The following EPB41L1 variants were observed in gnomAD, a reference collection of about 807,000 sequenced individuals.
EPB41L1 encodes band 4.1-like protein 1.
Under a neutral mutation model 97.8 loss-of-function variants are expected in EPB41L1, and 29 were observed. That is an observed-to-expected ratio of 0.30 (90% CI 0.22 to 0.40). EPB41L1 has a LOEUF of 0.40. Among genes scored for constraint, EPB41L1 ranks in the 10% least tolerant of loss-of-function variants. The probability of loss-of-function intolerance (pLI) is 1.00; values close to 1 mark genes in which losing one functional copy is unlikely to be tolerated. For synonymous variants in EPB41L1, 383 were observed against 459.2 expected (o/e 0.83, Z 2.12); for missense variants, 812 against 1,162.3 (o/e 0.70, Z 4.38).
At chr20:36,229,214 A>G (rs2064368466) in intron 21 of EPB41L1, 118 bp from the exon 22 acceptor site, 1 of 875,378 alleles carries the variant, frequency 1.1e-6, no homozygotes, top group Non-Finnish European at 1.9e-6. Context: ...GGTAGCAAAA[A>G]CAACCTCTTG....
intron 7 of EPB41L1, 55 bp from the exon 8 acceptor site, chr20:36,187,621 A>G: frequency 1.4e-6 from 2 of 1,455,080 alleles, no homozygotes; most frequent in Admixed American, 1.7e-5. Context: ...TTTGGACAGC[A>G]GGACTAAACC....
At chr20:36,134,348 T>C (rs1490681941) in intron 2 of EPB41L1, among the ~76,000 whole-genome samples, 2 of 152,202 alleles carry the variant, frequency 1.3e-5, no homozygotes, top group Admixed American at 6.5e-5. Context: ...CGCTGTGAAC[T>C]TAAGCAGATC....
At chr20:36,157,924 G>T (rs2060376967) in intron 1 of EPB41L1, among the ~76,000 whole-genome samples, 1 of 152,206 alleles carries the variant, frequency 6.6e-6, no homozygotes, top group African/African-American at 2.4e-5. Context: ...TGCTTCCTTT[G>T]TGGGCTAGAG....
chr20:36,100,387 C>A (rs1247726481), intron 1 of EPB41L1, among the ~76,000 whole-genome samples: 10 of 152,180 alleles, frequency 6.6e-5, no homozygotes, highest in African/African-American at 2.4e-4. Context: ...AGGCCCACTT[C>A]AGGTGGGTGG....
intron 4 of EPB41L1, among the ~76,000 whole-genome samples, chr20:36,178,423 C>T (rs1024693288): frequency 2.6e-5 from 4 of 152,184 alleles, no homozygotes; most frequent in Non-Finnish European, 5.9e-5. Flanking sequence ...GTGGCAGCTC[C>T]GGGCACTGGG....
chr20:36,195,939 A>T lies in EPB41L1; in HGVS notation c.1485+575A>T, dbSNP rs927616633. Reference sequence around the variant, plus strand: ...CTCCAGTCCTACACCTCCCCCAGGCAGGGTCGACTACTGCTCCGCTATGGC... The same window carrying T: ...CTCCAGTCCTACACCTCCCCCAGGCTGGGTCGACTACTGCTCCGCTATGGC... On this transcript the variant is annotated intron_variant, in intron 13 of 21. Coordinates refer to ENST00000338074, the MANE Select transcript of EPB41L1 (RefSeq NM_012156.2). The surrounding 1 kb of genome is among the most constrained non-coding windows in gnomAD (Gnocchi z 4.6). 7.2e-5 allele frequency among the ~76,000 whole-genome samples: 11 copies of T among 152,184 alleles called. No homozygotes were observed. Among genetic ancestry groups the T allele is most frequent in the Admixed American group, 2.0e-4 (3 of 15,274 alleles).
At chr20:36,173,654 CTT>C (rs994738486) in intron 1 of EPB41L1, 108 bp from the exon 2 acceptor site, 9 of 979,756 alleles carry the variant, frequency 9.2e-6, no homozygotes, top group Middle Eastern at 2.1e-4. Flanking sequence ...CCCTGTGACT[CTT>C]TGTCCGTTTG....
chr20:36,093,517 G>A lies in EPB41L1; in HGVS notation c.-65+1905G>A, dbSNP rs1296746517. 1.3e-5 allele frequency among the ~76,000 whole-genome samples: 2 copies of A among 152,068 alleles called. No individual in the cohort carries two copies. Among genetic ancestry groups the A allele is most frequent in the Non-Finnish European group, 2.9e-5 (2 of 67,974 alleles). ...GAGCTGGGCACCTGGCCTGGGCGGT[G>A]GGTGGCGGCGGCGGGGGTGTCCCTT... On this transcript the variant is annotated intron_variant, in intron 1 of 19. Transcript: ENST00000202028. The surrounding 1 kb of genome is among the most constrained non-coding windows in gnomAD (Gnocchi z 5.4).
intron 1 of EPB41L1, among the ~76,000 whole-genome samples, chr20:36,111,515 G>A (rs1448053551): frequency 6.6e-6 from 1 of 152,234 alleles, no homozygotes; most frequent in African/African-American, 2.4e-5. Context: ...GCCGGGCATG[G>A]TGGCTCATGC....
chr20:36,144,174 G>T, intron 2 of EPB41L1, among the ~76,000 whole-genome samples: 1 of 152,100 alleles, frequency 6.6e-6, no homozygotes, highest in South Asian at 2.1e-4. Context: ...TTAGAACTGC[G>T]CTAGTCCAAC....
At chr20:36,204,378 A>G (rs1305311431) in intron 14 of EPB41L1, among the ~76,000 whole-genome samples, 1 of 151,466 alleles carries the variant, frequency 6.6e-6, no homozygotes, top group Non-Finnish European at 1.5e-5. Flanking sequence ...TAACCACCCT[A>G]GAAGTCCATC....
In EPB41L1 at chr20:36,187,774, C is replaced by T. The variant is rs1038416983; in HGVS notation, c.873+11C>T. On this transcript the variant is annotated intron_variant, in intron 8 of 21. Coordinates refer to ENST00000338074, the MANE Select transcript of EPB41L1 (RefSeq NM_012156.2). ...CTGCACCATGCCAAGGTACCACCAGCTTCCTGGGTTCCCCTAGTGTCTGGG... is the reference window on the plus strand; with the variant it reads ...CTGCACCATGCCAAGGTACCACCAGTTTCCTGGGTTCCCCTAGTGTCTGGG... The T allele has an allele frequency of 1.9e-6, 3 of 1,612,320 alleles. No homozygotes were observed. The Admixed American group carries it at 5.0e-5, about 27-fold the overall frequency.
intron 1 of EPB41L1, among the ~76,000 whole-genome samples, chr20:36,164,832 C>T (rs1053546281): frequency 6.6e-6 from 1 of 151,964 alleles, no homozygotes; most frequent in Non-Finnish European, 1.5e-5. Context: ...ACTACAGGAG[C>T]CTGCCACCAT....
At position 36,209,930 on chromosome 20, in the gene EPB41L1, G is replaced by A. The variant is rs151128184; in HGVS notation, c.2079+32G>A. On this transcript the variant is annotated intron_variant, in intron 15 of 21. Coordinates refer to ENST00000338074, the MANE Select transcript of EPB41L1 (RefSeq NM_012156.2). The surrounding 1 kb of genome is among the most constrained non-coding windows in gnomAD (Gnocchi z 4.2). ...TGGAGCTTCCTCAAGAGCCAGGCCC[G>A]CTGGGCACCGCATGCTCAGAGGGCC... 1,016 of 1,608,564 alleles carry A rather than the reference G, an allele frequency of 6.3e-4. 10 individuals carry two copies. The East Asian group carries it at 0.015, about 24-fold the overall frequency.
intron 1 of EPB41L1, chr20:36,109,932 G>A (rs1384597289): frequency 6.7e-6 from 1 of 149,020 alleles, no homozygotes; most frequent in African/African-American, 2.6e-5. Flanking sequence ...AAAGGATCTT[G>A]ACATTGTTTT....
intron 1 of EPB41L1, among the ~76,000 whole-genome samples, chr20:36,106,102 C>T (rs1489307872): frequency 1.3e-5 from 2 of 152,164 alleles, no homozygotes; most frequent in Admixed American, 6.5e-5. Flanking sequence ...CCTGGAGACC[C>T]GTCCAGAGGC....
rs1374212535 is a variant in EPB41L1 at position 36,211,248 on chromosome 20, G to A, written c.2080-1024G>A. On this transcript the variant is annotated intron_variant, in intron 15 of 21. Transcript: ENST00000338074. ...CTAAAAATACAAAAATTAGCTGGGC[G>A]TGGTGGCACCCACCTGTAATCCCAA... Among the ~76,000 whole-genome samples the A allele has an allele frequency of 3.9e-5, 6 of 151,940 alleles. No homozygotes were observed. The South Asian group carries it at 6.2e-4, about 16-fold the overall frequency.
At chr20:36,095,930 G>T (rs527739438) in intron 1 of EPB41L1, among the ~76,000 whole-genome samples, 1 of 152,172 alleles carries the variant, frequency 6.6e-6, no homozygotes, top group Admixed American at 6.5e-5. Context: ...GGAGGCTGAG[G>T]CAGGAGAATC....
intron 21 of EPB41L1, among the ~76,000 whole-genome samples, chr20:36,227,811 A>G (rs528519413): frequency 5.9e-5 from 9 of 152,322 alleles, no homozygotes; most frequent in African/African-American, 1.9e-4. Flanking sequence ...CATGTCACAC[A>G]GAACCTTTTC....
Sources: allele counts gnomAD v4.1 joint callset (sites outside exome capture counted in the v4.1 genomes callset), GRCh38; gene constraint gnomAD v4.1.1; non-coding constraint Gnocchi (gnomAD v3.1); transcripts MANE v1.5; gene names NCBI Gene and HGNC (gene_info 2026-07-23, HGNC 2026-07-21).